The following LRRC37A2 variants were observed in gnomAD, a reference collection of about 807,000 sequenced individuals.
LRRC37A2 encodes leucine rich repeat containing 37 member A2, also known as leucine-rich repeat-containing protein 37A2.
Under a neutral mutation model 68.8 loss-of-function variants are expected in LRRC37A2, and 9 were observed. That is an observed-to-expected ratio of 0.13 (90% CI 0.08 to 0.23). The LOEUF is 0.23. LRRC37A2 is among the 10% of genes least tolerant of loss of function. The pLI is 1.00. For missense variants in LRRC37A2, 168 were observed against 950.4 expected, an observed-to-expected ratio of 0.18 and a Z score of 10.82; for synonymous variants, 63 against 367.6, an observed-to-expected ratio of 0.17 and a Z score of 9.48.
At chr17:46,778,100 A>C in the LRRC37A2 span, among the ~76,000 whole-genome samples, 1 of 152,184 alleles carries the variant, frequency 6.6e-6, no homozygotes, top group Non-Finnish European at 1.5e-5. Context: ...CCCTTGCTAG[A>C]TGGTGGTTGC....
the LRRC37A2 span, among the ~76,000 whole-genome samples, chr17:46,492,953 C>T: frequency 6.7e-6 from 1 of 149,322 alleles, no homozygotes. Flanking sequence ...CTCGGCCTCC[C>T]AAAGTGCTGG....
At chr17:46,621,125 G>A in the LRRC37A2 span, among the ~76,000 whole-genome samples, 1 of 140,344 alleles carries the variant, frequency 7.1e-6, no homozygotes, top group East Asian at 2.2e-4. Flanking sequence ...AAAATTCAGT[G>A]GCTACTCTCT....
At chr17:46,941,391 T>A in the LRRC37A2 span, 1 of 982,608 alleles carries the variant, frequency 1.0e-6, no homozygotes, top group Non-Finnish European at 1.2e-6. Context: ...AATTCGATAT[T>A]CATTTTTATA....
the LRRC37A2 span, among the ~76,000 whole-genome samples, chr17:46,791,643 G>C: frequency 6.6e-6 from 1 of 152,208 alleles, no homozygotes; most frequent in Admixed American, 6.5e-5. Context: ...TAAGGGTGCT[G>C]GGGCACAGGG....
At chr17:46,826,965 T>C in the LRRC37A2 span, among the ~76,000 whole-genome samples, 1 of 152,128 alleles carries the variant, frequency 6.6e-6, no homozygotes, top group Non-Finnish European at 1.5e-5. Context: ...TTAATAGAGA[T>C]AGAATTTCAC....
the LRRC37A2 span, chr17:46,936,215 C>T: frequency 1.0e-6 from 1 of 985,306 alleles, no homozygotes; most frequent in Non-Finnish European, 1.2e-6. Context: ...GTTGATTAGT[C>T]TGCCCTTTCT....
At chr17:46,881,155 C>CT in the LRRC37A2 span, among the ~76,000 whole-genome samples, 22 of 152,352 alleles carry the variant, frequency 1.4e-4, no homozygotes, top group African/African-American at 5.3e-4. Flanking sequence ...GAGTGCCTGT[C>CT]TCCTGGCTCA....
At chr17:47,009,694 C>T in the LRRC37A2 span, among the ~76,000 whole-genome samples, 3 of 152,226 alleles carry the variant, frequency 2.0e-5, no homozygotes, top group Admixed American at 6.5e-5. Flanking sequence ...GCTCAGCCTC[C>T]GCCCCCACGC....
At chr17:46,710,913 A>G in the LRRC37A2 span, 17 of 1,500,526 alleles carry the variant, frequency 1.1e-5, no homozygotes, top group African/African-American at 1.4e-5. Context: ...TTATACTGTT[A>G]GTTTTTAACA....
chr17:46,839,965 TTTCTTTCTTTCTC>T, the LRRC37A2 span, among the ~76,000 whole-genome samples: 148 of 137,412 alleles, frequency 1.1e-3, no homozygotes, highest in Non-Finnish European at 1.8e-3. Flanking sequence ...TCTTTCTTTC[TTTCTTTCTTTCTC>T]TTCTTTCTTT....
the LRRC37A2 span, among the ~76,000 whole-genome samples, chr17:46,817,489 G>A: frequency 3.9e-5 from 6 of 152,164 alleles, no homozygotes; most frequent in Non-Finnish European, 7.3e-5. Flanking sequence ...TAGAGAACTG[G>A]TTTCAGTGTC....
chr17:46,804,241 C>G, the LRRC37A2 span, among the ~76,000 whole-genome samples: 1 of 152,038 alleles, frequency 6.6e-6, no homozygotes, highest in Non-Finnish European at 1.5e-5. Context: ...GTGCGTGCCA[C>G]CACACCCGGC....
At chr17:46,856,452 C>T in the LRRC37A2 span, among the ~76,000 whole-genome samples, 50 of 151,510 alleles carry the variant, frequency 3.3e-4, no homozygotes, top group Admixed American at 2.9e-3. Flanking sequence ...CCCCCCAAAT[C>T]GTTGTTATAT....
the LRRC37A2 span, among the ~76,000 whole-genome samples, chr17:46,988,127 G>A: frequency 6.6e-6 from 1 of 152,216 alleles, no homozygotes; most frequent in Non-Finnish European, 1.5e-5. Context: ...AGCCGAGATT[G>A]CATCACTGCA....
At chr17:46,755,191 CACAT>C in the LRRC37A2 span, 1 of 705,680 alleles carries the variant, frequency 1.4e-6, no homozygotes, top group Admixed American at 2.1e-5. Context: ...GAGCAGGTAA[CACAT>C]TCAGTGACCT....
chr17:46,972,305 TC>T, the LRRC37A2 span, among the ~76,000 whole-genome samples: 1 of 152,144 alleles, frequency 6.6e-6, no homozygotes, highest in Admixed American at 6.5e-5. Flanking sequence ...TGCTTCCTCT[TC>T]CCCCTTCTTT....
chr17:46,896,418 GAAAGAAAGAA>G, the LRRC37A2 span, among the ~76,000 whole-genome samples: 1 of 89,214 alleles, frequency 1.1e-5, no homozygotes, highest in Non-Finnish European at 1.9e-5. Context: ...AAGAAAGAAA[GAAAGAAAGAA>G]AGAAAGAAAG....
At chr17:46,544,797 CG>C (rs1233710544) in intron 8 of LRRC37A2, among the ~76,000 whole-genome samples, 1 of 112,250 alleles carries the variant, frequency 8.9e-6, no homozygotes, top group African/African-American at 4.0e-5. Flanking sequence ...CCCAAATTTA[CG>C]TATTGGAAAA....
At chr17:46,962,792 A>G in the LRRC37A2 span, among the ~76,000 whole-genome samples, 2 of 152,230 alleles carry the variant, frequency 1.3e-5, no homozygotes, top group Non-Finnish European at 2.9e-5. Flanking sequence ...AACCTGCAGG[A>G]TCATGAAAGA....
Sources: allele counts gnomAD v4.1 joint callset (sites outside exome capture counted in the v4.1 genomes callset), GRCh38; gene constraint gnomAD v4.1.1; transcripts MANE v1.5; gene names NCBI Gene and HGNC (gene_info 2026-07-23, HGNC 2026-07-21).